The following ADD3 variants were observed in gnomAD, a reference collection of about 807,000 sequenced individuals.
ADD3 encodes gamma-adducin.
A neutral mutation model predicts 80.2 loss-of-function variants in ADD3; 25 were observed. The ratio of observed to expected loss-of-function variants is 0.31; its 90% CI spans 0.23 to 0.44. The LOEUF (loss-of-function observed/expected upper bound fraction) is 0.44. Among genes scored for constraint, ADD3 ranks in the 20% least tolerant of loss-of-function variants. The pLI is 1.00. For missense variants in ADD3, 829 were observed against 847.5 expected, an observed-to-expected ratio of 0.98 and a Z score of 0.27; for synonymous variants, 284 against 289.6, an observed-to-expected ratio of 0.98 and a Z score of 0.20.
At chr10:110,002,625 A>G (rs1015121710), upstream of ADD3, among the ~76,000 whole-genome samples, 2 of 152,164 alleles carry the variant, frequency 1.3e-5, no homozygotes, top group Non-Finnish European at 2.9e-5. Context: ...TGTTCTACAT[A>G]TGAGTGGGCC....
chr10:110,122,288 A>G lies in ADD3; in HGVS notation c.1139A>G (p.Asn380Ser). The G allele has an allele frequency of 6.2e-7, 1 of 1,610,960 alleles. No individual in the cohort carries two copies. Among genetic ancestry groups the G allele is most frequent in the Non-Finnish European group, 8.5e-7 (1 of 1,178,820 alleles). ...EFEGLMRTLD[N>S]LGYRTGYAYR... ...GAAGGGCTTATGAGGACTCTGGACA[A>G]CTTGGTAGGTTGCAAAATTGAAGTA... Residue 380 changes from asparagine to serine, a missense_variant, in exon 9 of 15, where the codon AAC becomes AGC. By Grantham distance (46) the Asn-to-Ser change is conservative. Coordinates refer to ENST00000356080, the MANE Select transcript of ADD3 (RefSeq NM_016824.5).
intron 1 of ADD3, among the ~76,000 whole-genome samples, chr10:109,997,921 G>T (rs1851412528): frequency 1.3e-5 from 2 of 152,122 alleles, no homozygotes; most frequent in Admixed American, 1.3e-4. Context: ...AATCCGGGCG[G>T]TTTTCATGTA....
intron 1 of ADD3, among the ~76,000 whole-genome samples, chr10:110,031,134 C>T (rs1854965151): frequency 6.6e-6 from 1 of 152,134 alleles, no homozygotes; most frequent in Non-Finnish European, 1.5e-5. Context: ...ATTAGCTGGG[C>T]GTTGTGGCGC....
chr10:110,100,673 A>G lies in ADD3; in HGVS notation c.20A>G (p.Gln7Arg), dbSNP rs373682804. The stretch of plus-strand genomic sequence containing the variant: ...TAAAACATGAGCTCAGATGCCAGCC[A>G]AGGCGTGATTACCACTCCTCCTCCT... MSSDASQGVITTPPPPS... is the reference protein window; with the variant it reads MSSDASRGVITTPPPPS... The change falls in exon 2 of 15, where the codon CAA (glutamine) becomes CGA (arginine). Residue 7 changes from glutamine to arginine, a missense_variant. Coordinates refer to ENST00000356080, the MANE Select transcript of ADD3 (RefSeq NM_016824.5). 227 of 1,610,812 alleles carry G rather than the reference A, an allele frequency of 1.4e-4. No homozygotes were observed. The highest frequency in any genetic ancestry group is 1.9e-4 in the Non-Finnish European group (223 of 1,178,756).
intron 11 of ADD3, 126 bp from the exon 12 acceptor site, chr10:110,126,291 G>A (rs1852146285): frequency 1.5e-6 from 1 of 687,116 alleles, no homozygotes; most frequent in African/African-American, 1.8e-5. Context: ...GGTCTTTATG[G>A]AGGTGGGAAT....
At chr10:110,043,018 G>A (rs896245127) in intron 1 of ADD3, among the ~76,000 whole-genome samples, 3 of 152,130 alleles carry the variant, frequency 2.0e-5, no homozygotes, top group African/African-American at 7.2e-5. Flanking sequence ...CAAATGGCAT[G>A]CACTGGCCTA....
chr10:110,032,101 T>C (rs1437242519), intron 1 of ADD3, among the ~76,000 whole-genome samples: 1 of 152,138 alleles, frequency 6.6e-6, no homozygotes, highest in African/African-American at 2.4e-5. Flanking sequence ...GCCAGGAATA[T>C]CAAATCTTGG....
chr10:110,033,324 T>TG (rs1855274488), intron 1 of ADD3, among the ~76,000 whole-genome samples: 4 of 152,224 alleles, frequency 2.6e-5, no homozygotes, highest in Admixed American at 1.3e-4. Context: ...GCAGAATAGA[T>TG]GTAAGCAGAA....
intron 1 of ADD3, among the ~76,000 whole-genome samples, chr10:110,022,827 A>C (rs946012025): frequency 2.0e-5 from 3 of 152,158 alleles, no homozygotes; most frequent in African/African-American, 7.2e-5. Context: ...TAGAGAATCC[A>C]GTAGCATTTC....
intron 1 of ADD3, among the ~76,000 whole-genome samples, chr10:110,044,184 A>G (rs932851691): frequency 2.0e-5 from 3 of 152,244 alleles, no homozygotes; most frequent in African/African-American, 7.2e-5. Context: ...CCTGGGTGAC[A>G]GAGCGAGACT....
intron 1 of ADD3, among the ~76,000 whole-genome samples, chr10:110,098,004 T>C (rs1848377634): frequency 6.6e-6 from 1 of 152,170 alleles, no homozygotes; most frequent in Non-Finnish European, 1.5e-5. Context: ...CTCGATCTCC[T>C]GACCTCATGA....
At chr10:110,066,403 GT>G (rs1321366066) in intron 1 of ADD3, among the ~76,000 whole-genome samples, 3 of 151,816 alleles carry the variant, frequency 2.0e-5, no homozygotes, top group African/African-American at 7.3e-5. Flanking sequence ...TGCCTGGCTA[GT>G]TTTTGTATTT....
intron 2 of ADD3, among the ~76,000 whole-genome samples, chr10:110,102,266 CA>C (rs36063853): frequency 0.13 from 20,039 of 151,990 alleles, 4,258 homozygotes; most frequent in African/African-American, 0.45. Context: ...TTATTTAGAT[CA>C]AAAATAGATA....
In ADD3 at chr10:110,030,654, G is replaced by T. The variant is rs566101522; in HGVS notation, c.-30+22355G>T. 1.6e-4 allele frequency among the ~76,000 whole-genome samples: 25 copies of T among 151,530 alleles called. 1 individual carries two copies. Among genetic ancestry groups the T allele is most frequent in the Non-Finnish European group, 2.9e-4 (20 of 67,890 alleles). ...TGGTAACCACTAGCTGTGTGTGGCT[G>T]TTTATCGCTTGAAATGTGGCTAGTC... On this transcript the variant is annotated intron_variant, in intron 1 of 14. Coordinates refer to ENST00000356080, the MANE Select transcript of ADD3 (RefSeq NM_016824.5).
Position 110,132,376 on chromosome 10 carries a change from C to A in ADD3, c.1804C>A (p.Gln602Lys), listed in dbSNP as rs149714005. 489 of 1,612,958 alleles carry A rather than the reference C, an allele frequency of 3.0e-4. No individual in the cohort carries two copies. The highest frequency in any genetic ancestry group is 3.8e-4 in the Non-Finnish European group (448 of 1,179,074). Reference protein sequence around the residue: ...SQIQSQTQSPQNVPEKLEENH... With the variant: ...SQIQSQTQSPKNVPEKLEENH... The stretch of plus-strand genomic sequence containing the variant: ...AATTCAGTCTCAAACTCAGTCACCG[C>A]AAAATGTCCCTGAAAAATTAGAAGG... Residue 602 changes from glutamine to lysine, a missense_variant, in exon 14 of 15, where the codon CAA (glutamine) becomes AAA (lysine). Physicochemically the swap from Gln to Lys is moderately conservative, Grantham distance 53 (BLOSUM62 1). Transcript: ENST00000356080.
upstream of ADD3, among the ~76,000 whole-genome samples, chr10:110,003,377 AAAC>A (rs1222178382): frequency 3.3e-5 from 5 of 152,188 alleles, no homozygotes; most frequent in South Asian, 2.1e-4. Flanking sequence ...TTGCTTTCTG[AAAC>A]AACAAGTAGT....
intron 1 of ADD3, among the ~76,000 whole-genome samples, chr10:110,049,186 T>C (rs1299209993): frequency 2.0e-5 from 3 of 152,198 alleles, no homozygotes; most frequent in Non-Finnish European, 2.9e-5. Context: ...AATTGAGGTT[T>C]GGGAACCTCC....
chr10:110,124,393 A>G, intron 10 of ADD3, 119 bp downstream of exon 10: 3 of 1,210,766 alleles, frequency 2.5e-6, no homozygotes, highest in Non-Finnish European at 2.3e-6. Flanking sequence ...TATTACTGTC[A>G]CTTATCTGGC....
chr10:110,058,798 CA>C (rs1858522174), intron 1 of ADD3, among the ~76,000 whole-genome samples: 1 of 152,184 alleles, frequency 6.6e-6, no homozygotes, highest in Non-Finnish European at 1.5e-5. Context: ...CTCTAATCAG[CA>C]TCTAAGTATC....
Sources: gnomAD v4.1 joint callset for allele counts (sites outside exome capture counted in the v4.1 genomes callset) on GRCh38, gnomAD v4.1.1 for gene constraint, MANE v1.5 for transcripts, NCBI Gene and HGNC (gene_info 2026-07-23, HGNC 2026-07-21) for gene names.